Variants in FER1L5 observed in about 807,000 individuals in gnomAD.
The protein encoded by FER1L5 is fer-1-like protein 5.
In FER1L5, 187 loss-of-function variants were observed where a neutral mutation model predicts 279.9. That is an observed-to-expected ratio of 0.67 (90% CI 0.59 to 0.75). The LOEUF is 0.75. Ranked by LOEUF, FER1L5 falls within the 30% of genes least tolerant of loss-of-function variation. The pLI, the probability that FER1L5 is intolerant of heterozygous loss-of-function variation, is 0.00. For missense variants in FER1L5, 2,091 were observed against 2,594.4 expected (o/e 0.81, Z 4.21); for synonymous variants, 921 against 989.7 (o/e 0.93, Z 1.30).
intron 19 of FER1L5, among the ~76,000 whole-genome samples, chr2:96,678,903 T>C (rs2076610100): frequency 6.6e-6 from 1 of 152,260 alleles, no homozygotes; most frequent in African/African-American, 2.4e-5. Context: ...GCAAATTGTC[T>C]GTGGCTTGTC....
chr2:96,644,832 G>A (rs1208563761), intron 1 of FER1L5, among the ~76,000 whole-genome samples: 7 of 152,142 alleles, frequency 4.6e-5, no homozygotes, highest in African/African-American at 1.4e-4. Flanking sequence ...AGTTCAGGAT[G>A]TATTTGCCCT....
At position 96,692,142 on chromosome 2, in the gene FER1L5, G is replaced by GC; in HGVS notation, c.3256dup (p.Arg1086ProfsTer71). 1.3e-6 allele frequency: 2 copies of GC among 1,551,628 alleles called. No homozygotes were observed. Among genetic ancestry groups the GC allele is most frequent in the Non-Finnish European group, 1.7e-6 (2 of 1,146,972 alleles). On this transcript the variant is annotated frameshift_variant, in exon 31 of 53. Transcript: ENST00000624922. LOFTEE classifies it high-confidence loss of function. The stretch of plus-strand genomic sequence containing the variant: ...CCAGCTCTTCTGCTACATCTACCAG[G>GC]CCCGGAACCTGGTGTCCAATCAGAT...
intron 31 of FER1L5, among the ~76,000 whole-genome samples, chr2:96,692,481 G>A (rs1191868858): frequency 6.6e-6 from 1 of 152,226 alleles, no homozygotes; most frequent in Non-Finnish European, 1.5e-5. Context: ...CTCTTGAGGC[G>A]TGACCCCAGT....
chr2:96,673,051 G>A (rs1430548111), intron 18 of FER1L5, 26 bp from the exon 19 acceptor site: 2 of 1,548,652 alleles, frequency 1.3e-6, no homozygotes, highest in Non-Finnish European at 1.7e-6. Context: ...ACTGGGTATG[G>A]GGGGTGGGGG....
chr2:96,695,403 G>C (rs2077332524), intron 34 of FER1L5, 106 bp from the exon 35 acceptor site: 2 of 1,409,822 alleles, frequency 1.4e-6, no homozygotes, highest in Non-Finnish European at 1.9e-6. Flanking sequence ...TGGCCCTGCA[G>C]GCTCCTGCTG....
At chr2:96,662,415 T>C (rs192190055) in intron 13 of FER1L5, 148 bp downstream of exon 13, 56 of 760,646 alleles carry the variant, frequency 7.4e-5, no homozygotes, top group East Asian at 4.6e-4. Flanking sequence ...TGGAACTCTG[T>C]GCAGGCGGAG....
At position 96,669,068 on chromosome 2, in the gene FER1L5, C is replaced by T; in HGVS notation, c.1293C>T (p.Cys431=). Residue 431 remains cysteine, a synonymous_variant, in exon 17 of 53, where the codon TGC becomes TGT. Coordinates refer to ENST00000624922, the MANE Select transcript of FER1L5 (RefSeq NM_001293083.2). The part of the protein sequence containing the change: ...IEGVYSGFLP[C]FGPSFLTLHG... Reference sequence around the variant, plus strand: ...GAGTGTACTCCGGCTTCCTGCCCTGCTTTGGCCCCAGCTTCCTGACTCTGC... The same window carrying T: ...GAGTGTACTCCGGCTTCCTGCCCTGTTTTGGCCCCAGCTTCCTGACTCTGC... 1 of 1,551,718 alleles carries T rather than the reference C, an allele frequency of 6.4e-7. No homozygotes were observed. The highest frequency in any genetic ancestry group is 1.2e-5 in the South Asian group (1 of 84,068).
intron 20 of FER1L5, among the ~76,000 whole-genome samples, chr2:96,685,048 G>A (rs2076870774): frequency 1.3e-5 from 2 of 151,986 alleles, no homozygotes; most frequent in Admixed American, 6.6e-5. Flanking sequence ...CCTCTGGCAT[G>A]ACTTTCTCAT....
At chr2:96,703,423 G>T in intron 50 of FER1L5, 77 bp downstream of exon 50, 1 of 1,602,356 alleles carries the variant, frequency 6.2e-7, no homozygotes. Context: ...TAGGGACCTA[G>T]CTAAATCCCT....
intron 23 of FER1L5, among the ~76,000 whole-genome samples, chr2:96,687,057 A>C (rs1479233295): frequency 6.6e-6 from 1 of 151,170 alleles, no homozygotes; most frequent in Non-Finnish European, 1.5e-5. Context: ...CCTGACCACC[A>C]CCCCCACCCC....
intron 51 of FER1L5, 28 bp from the exon 52 acceptor site, chr2:96,704,187 C>T (rs1353911308): frequency 1.2e-6 from 2 of 1,609,676 alleles, no homozygotes; most frequent in East Asian, 4.5e-5. Context: ...CCCTGCCATT[C>T]TCTGACATCT....
chr2:96,689,290 G>A lies in FER1L5; in HGVS notation c.2439G>A (p.Met813Ile). Residue 813 changes from methionine (M) to isoleucine (I), a missense_variant, in exon 25 of 53, where the codon ATG (methionine) becomes ATA (isoleucine). By Grantham distance (10) the Met-to-Ile change is conservative. Transcript: ENST00000624922. The surrounding 1 kb of genome is among the most constrained non-coding windows in gnomAD (Gnocchi z 4.6). ...ACTGCCCCAACTTCTCGGATGTCAT[G>A]GGGAACAAGACCCTCCCCATGACGG... ...LYHCPNFSDV[M>I]GNKTLPMTDF... 2 of 1,550,376 alleles carry A rather than the reference G, an allele frequency of 1.3e-6. No individual in the cohort carries two copies. The highest frequency in any genetic ancestry group is 1.7e-4 in the Middle Eastern group (1 of 5,978).
Position 96,652,074 on chromosome 2 carries a change from C to T in FER1L5, c.633+54C>T, listed in dbSNP as rs375906656. The T allele has an allele frequency of 2.6e-5, 40 of 1,549,266 alleles. No individual in the cohort carries two copies. In the Middle Eastern group the frequency reaches 5.6e-4, roughly 22 times the overall value. On this transcript the variant is annotated intron_variant, in intron 7 of 52. Coordinates refer to ENST00000624922, the MANE Select transcript of FER1L5 (RefSeq NM_001293083.2). ...GAGCCAGCCAAGGGCTGGGCATCCC[C>T]GGTGGGCAGCCGGCAAGCTTGCTCC...
In FER1L5 at chr2:96,703,322, C is replaced by G. The variant is rs544907310; in HGVS notation, c.5667C>G (p.Leu1889=). 8.7e-6 allele frequency: 14 copies of G among 1,611,742 alleles called. No homozygotes were observed. In the East Asian group the frequency reaches 2.9e-4, roughly 33 times the overall value. Residue 1889 remains leucine (L), a synonymous_variant, in exon 50 of 53, where the codon CTC becomes CTG. Transcript: ENST00000624922. The stretch of plus-strand genomic sequence containing the variant: ...CTGGCTGGTGGCCTTGCCAGGTCCT[C>G]GATGGTGGCAAATGGCGCTTGTCGG... ...TVTGWWPCQV[L]DGGKWRLSGK...
chr2:96,645,078 A>G (rs891688961), intron 1 of FER1L5, among the ~76,000 whole-genome samples: 1 of 152,194 alleles, frequency 6.6e-6, no homozygotes, highest in African/African-American at 2.4e-5. Context: ...TATGCCATCC[A>G]CTAACCTGCA....
At chr2:96,663,553 A>G (rs567043797) in intron 14 of FER1L5, 46 bp downstream of exon 14, 10 of 1,533,248 alleles carry the variant, frequency 6.5e-6, no homozygotes, top group South Asian at 1.2e-5. Context: ...ATCCCCTAAC[A>G]TAGAAGGGAA....
In FER1L5 at chr2:96,695,824, C is replaced by A; in HGVS notation, c.3977C>A (p.Thr1326Lys). The change falls in exon 36 of 53, where the codon ACG becomes AAG. Residue 1326 changes from threonine (T) to lysine (K), a missense_variant. Thr to Lys is a moderately conservative substitution (Grantham distance 78). Coordinates refer to ENST00000624922, the MANE Select transcript of FER1L5 (RefSeq NM_001293083.2). Reference sequence around the variant, plus strand: ...TGGGCCTTCGGCCAGCAGACCGTGACGGGCCAGGCCAACATCGACTTCCTC... The same window carrying A: ...TGGGCCTTCGGCCAGCAGACCGTGAAGGGCCAGGCCAACATCGACTTCCTC... ...DNWAFGQQTV[T>K]GQANIDFLQP... 6.2e-7 allele frequency: 1 copy of A among 1,613,088 alleles called. No individual in the cohort carries two copies. The highest frequency in any genetic ancestry group is 1.1e-5 in the South Asian group (1 of 90,830).
In FER1L5 at chr2:96,689,392, G is replaced by C. The variant is rs1343378004; in HGVS notation, c.2525+16G>C. 4.5e-6 allele frequency: 7 copies of C among 1,547,312 alleles called. No homozygotes were observed. Among genetic ancestry groups the C allele is most frequent in the Non-Finnish European group, 6.1e-6 (7 of 1,145,968 alleles). Reference sequence around the variant, plus strand: ...CTCAGAGAAGGTAAGGCCAGAGGGGGCAGGCCCCACCAGAGGGGACACTTC... The same window carrying C: ...CTCAGAGAAGGTAAGGCCAGAGGGGCCAGGCCCCACCAGAGGGGACACTTC... On this transcript the variant is annotated intron_variant, in intron 25 of 52. Transcript: ENST00000624922. The surrounding 1 kb of genome is among the most constrained non-coding windows in gnomAD (Gnocchi z 4.6).
chr2:96,698,063 G>A lies in FER1L5; in HGVS notation c.4263G>A (p.Val1421=). The change falls in exon 40 of 53, where the codon GTG becomes GTA. Residue 1421 remains valine (V), a synonymous_variant. Transcript: ENST00000624922. The surrounding 1 kb of genome is among the most constrained non-coding windows in gnomAD (Gnocchi z 5.5). ...LKVYECELEA[V]PAFQGLQDFC... ...TGTATGAGTGTGAGCTGGAGGCCGTGCCAGCCTTCCAGGGCCTGCAGGACT... is the reference window on the plus strand; with the variant it reads ...TGTATGAGTGTGAGCTGGAGGCCGTACCAGCCTTCCAGGGCCTGCAGGACT... The A allele has an allele frequency of 6.3e-7, 1 of 1,584,320 alleles. No individual in the cohort carries two copies. The highest frequency in any genetic ancestry group is 8.6e-7 in the Non-Finnish European group (1 of 1,165,332).
Sources: allele counts gnomAD v4.1 joint callset (sites outside exome capture counted in the v4.1 genomes callset), GRCh38; gene constraint gnomAD v4.1.1; non-coding constraint Gnocchi (gnomAD v3.1); transcripts MANE v1.5; gene names NCBI Gene and HGNC (gene_info 2026-07-23, HGNC 2026-07-21).